BLTP1: variants seen among roughly 807,000 people sequenced by gnomAD.
The protein encoded by BLTP1 is fragile site-associated protein.
At chr4:122,355,935 G>A in the BLTP1 span, 1 of 1,611,890 alleles carries the variant, frequency 6.2e-7, no homozygotes. Context: ...TACCAAGGAT[G>A]CAGCTTGACT....
At chr4:122,177,969 T>A in the BLTP1 span, 2 of 254,106 alleles carry the variant, frequency 7.9e-6, no homozygotes, top group South Asian at 3.0e-4. Context: ...ATGGTGGGAC[T>A]TGTTTTGTTC....
the BLTP1 span, among the ~76,000 whole-genome samples, chr4:122,330,376 T>G: frequency 6.6e-6 from 1 of 151,910 alleles, no homozygotes; most frequent in Non-Finnish European, 1.5e-5. Context: ...CTCCATGTCC[T>G]TGCCAACACA....
the BLTP1 span, chr4:122,281,435 A>G: frequency 7.1e-7 from 1 of 1,412,180 alleles, no homozygotes; most frequent in African/African-American, 1.5e-5. Flanking sequence ...ATCTATTCAC[A>G]GTATATATTT....
the BLTP1 span, among the ~76,000 whole-genome samples, chr4:122,252,765 C>T: frequency 2.0e-5 from 3 of 152,262 alleles, no homozygotes; most frequent in Admixed American, 6.5e-5. Flanking sequence ...TGGCTGGCTT[C>T]GCCACCTGCT....
chr4:122,237,570 A>C, the BLTP1 span: 8 of 536,566 alleles, frequency 1.5e-5, 1 homozygote, highest in South Asian at 6.5e-4. Context: ...TATTCTTGAA[A>C]GTTTTCTGTA....
chr4:122,240,302 C>T, the BLTP1 span: 1 of 1,614,096 alleles, frequency 6.2e-7, no homozygotes, highest in Non-Finnish European at 8.5e-7. Context: ...ATACACCAAC[C>T]AGTGAAGAAA....
the BLTP1 span, chr4:122,254,575 G>C: frequency 2.1e-5 from 20 of 939,566 alleles, no homozygotes; most frequent in Non-Finnish European, 2.5e-5. Flanking sequence ...CTCTGCCTTA[G>C]ACTTTTGTTT....
chr4:122,187,799 G>A, the BLTP1 span: 2 of 1,315,694 alleles, frequency 1.5e-6, no homozygotes, highest in Admixed American at 3.1e-5. Flanking sequence ...TTAAGCTGTT[G>A]TTTGAAAATG....
the BLTP1 span, chr4:122,175,731 C>T: frequency 1.5e-6 from 1 of 651,404 alleles, no homozygotes; most frequent in Non-Finnish European, 2.7e-6. Flanking sequence ...TGCCAATGTT[C>T]TTTTGAGGAT....
At chr4:122,195,330 A>G in the BLTP1 span, among the ~76,000 whole-genome samples, 1 of 152,176 alleles carries the variant, frequency 6.6e-6, no homozygotes, top group African/African-American at 2.4e-5. Flanking sequence ...TTTTCTTTTT[A>G]TGAATTTTCA....
chr4:122,237,981 C>CAAAAAAAA, the BLTP1 span: 24 of 786,208 alleles, frequency 3.1e-5, no homozygotes, highest in Middle Eastern at 4.5e-4. Flanking sequence ...GACTCCATCT[C>CAAAAAAAA]AAAAAAAAAA....
chr4:122,179,624 A>G, the BLTP1 span, among the ~76,000 whole-genome samples: 2 of 152,182 alleles, frequency 1.3e-5, no homozygotes, highest in African/African-American at 4.8e-5. Context: ...ATACAAAGAG[A>G]CAGGTTGCCT....
At chr4:122,316,406 T>G in the BLTP1 span, 4 of 476,712 alleles carry the variant, frequency 8.4e-6, no homozygotes, top group Non-Finnish European at 1.3e-5. Context: ...GGGCAGCGAC[T>G]TGTAAATCAC....
chr4:122,261,837 C>T, the BLTP1 span: 1 of 985,302 alleles, frequency 1.0e-6, no homozygotes, highest in Non-Finnish European at 1.2e-6. Context: ...TCTTTTACTT[C>T]CTGTGTCAAC....
the BLTP1 span, chr4:122,328,421 TTA>T: frequency 7.0e-7 from 1 of 1,433,442 alleles, no homozygotes; most frequent in Non-Finnish European, 9.6e-7. Flanking sequence ...GCACAAAATG[TTA>T]TATATAACTC....
At chr4:122,290,762 C>T in the BLTP1 span, 1 of 110,128 alleles carries the variant, frequency 9.1e-6, no homozygotes, top group East Asian at 2.9e-4. Context: ...GCTCCAGCCT[C>T]GGTGGTAGAG....
the BLTP1 span, chr4:122,314,252 A>G: frequency 2.6e-6 from 1 of 384,530 alleles, no homozygotes; most frequent in Non-Finnish European, 3.6e-6. Flanking sequence ...CGCAGTATTC[A>G]GATTTGTCCA....
chr4:122,285,335 G>A, the BLTP1 span, among the ~76,000 whole-genome samples: 164 of 152,238 alleles, frequency 1.1e-3, no homozygotes, highest in African/African-American at 3.7e-3. Flanking sequence ...CAATCTTGGC[G>A]TTTTTATTTC....
the BLTP1 span, chr4:122,287,448 A>T: frequency 3.7e-6 from 1 of 269,020 alleles, no homozygotes; most frequent in Non-Finnish European, 5.7e-6. Context: ...CGGAGAAGTA[A>T]ACACCTTTCC....
Sources: allele counts gnomAD v4.1 joint callset (sites outside exome capture counted in the v4.1 genomes callset), GRCh38; gene constraint gnomAD v4.1.1; transcripts MANE v1.5; gene names NCBI Gene and HGNC (gene_info 2026-07-23, HGNC 2026-07-21).